Variants in PRKCB observed in about 807,000 individuals in gnomAD.
The protein encoded by PRKCB is protein kinase C beta, also known as protein kinase C beta type.
PRKCB carries 13 observed loss-of-function variants against 81.5 expected under a neutral mutation model. That is an observed-to-expected ratio of 0.16 (90% CI 0.10 to 0.25). The LOEUF is 0.25. Ranked by LOEUF, PRKCB falls within the 10% of genes least tolerant of loss-of-function variation. PRKCB has a pLI of 1.00. For missense variants in PRKCB, 509 were observed against 875.7 expected (o/e 0.58, Z 5.29); for synonymous variants, 335 against 321.4 (o/e 1.04, Z -0.45).
intron 3 of PRKCB, among the ~76,000 whole-genome samples, chr16:24,004,329 T>C (rs1392649620): frequency 1.3e-5 from 2 of 151,862 alleles, no homozygotes; most frequent in Non-Finnish European, 2.9e-5. Flanking sequence ...TGAAAATACA[T>C]ATATAAAAAT....
chr16:23,870,679 T>C (rs1962888328), intron 2 of PRKCB, among the ~76,000 whole-genome samples: 1 of 152,236 alleles, frequency 6.6e-6, no homozygotes, highest in Admixed American at 6.5e-5. Flanking sequence ...GCACGTAGGT[T>C]GATCAGGACC....
At position 24,220,047 on chromosome 16, in the gene PRKCB, G is replaced by A. The variant is rs866828752; in HGVS notation, c.*5231G>A. 1 of 1,614,162 alleles carries A rather than the reference G, an allele frequency of 6.2e-7. No homozygotes were observed. The highest frequency in any genetic ancestry group is 8.5e-7 in the Non-Finnish European group (1 of 1,180,024). Reference sequence around the variant, plus strand: ...CCCCCACTGATAAACTCTTCATCATGAACTTGGACCAAAATGAATTTGCTG... The same window carrying A: ...CCCCCACTGATAAACTCTTCATCATAAACTTGGACCAAAATGAATTTGCTG... On this transcript the variant is annotated 3_prime_UTR_variant, in exon 17 of 17. Coordinates refer to ENST00000643927, the MANE Select transcript of PRKCB (RefSeq NM_002738.7).
At chr16:23,877,457 T>A (rs1963033551) in intron 2 of PRKCB, among the ~76,000 whole-genome samples, 1 of 152,212 alleles carries the variant, frequency 6.6e-6, no homozygotes, top group Admixed American at 6.5e-5. Context: ...CTCTGACTTG[T>A]TGACCCCTCT....
chr16:23,851,731 CATTT>C (rs1421472780), intron 2 of PRKCB, among the ~76,000 whole-genome samples: 1 of 152,132 alleles, frequency 6.6e-6, no homozygotes, highest in African/African-American at 2.4e-5. Context: ...AATATCTTTT[CATTT>C]ATTTGTGTTT....
chr16:24,188,440 A>G (rs188359540), intron 15 of PRKCB, among the ~76,000 whole-genome samples: 51 of 152,284 alleles, frequency 3.3e-4, no homozygotes, highest in African/African-American at 1.2e-3. Context: ...AGAGACTCCG[A>G]ATTAATGCTG....
chr16:24,213,430 A>C (rs566719870), intron 16 of PRKCB, among the ~76,000 whole-genome samples: 2 of 152,338 alleles, frequency 1.3e-5, no homozygotes, highest in Middle Eastern at 3.4e-3. Context: ...TTATGAACAA[A>C]TTACATAGTC....
At chr16:24,190,782 G>T (rs1967780274) in intron 15 of PRKCB, among the ~76,000 whole-genome samples, 1 of 152,060 alleles carries the variant, frequency 6.6e-6, no homozygotes, top group Non-Finnish European at 1.5e-5. Context: ...CTCCCAAAGT[G>T]CTGGGATTAC....
intron 12 of PRKCB, among the ~76,000 whole-genome samples, chr16:24,179,441 C>A (rs1422545868): frequency 1.3e-5 from 2 of 152,208 alleles, no homozygotes; most frequent in African/African-American, 2.4e-5. Context: ...GAATAGATCC[C>A]CCTACCTCTC....
At chr16:24,171,755 A>G (rs528359707) in intron 10 of PRKCB, among the ~76,000 whole-genome samples, 1 of 152,290 alleles carries the variant, frequency 6.6e-6, no homozygotes, top group East Asian at 1.9e-4. Context: ...TATTTTTGAA[A>G]TGGAGTCTCA....
chr16:23,999,315 T>A (rs979531873), intron 3 of PRKCB, among the ~76,000 whole-genome samples: 2 of 152,222 alleles, frequency 1.3e-5, no homozygotes, highest in Non-Finnish European at 2.9e-5. Context: ...ATGTGCTTGG[T>A]TGCATCCTCT....
rs1962231692 is a variant in PRKCB, at chr16:23,839,581, TA to T, written c.205+2176del. On this transcript the variant is annotated intron_variant, in intron 2 of 16. Coordinates refer to ENST00000643927, the MANE Select transcript of PRKCB (RefSeq NM_002738.7). Reference sequence around the variant, plus strand: ...AGCCACTATGCCCCTCTGGAGTGTCTATTTTTTAAATTGCCTTTCTTTTTCT... The same window carrying T: ...AGCCACTATGCCCCTCTGGAGTGTCTTTTTTTAAATTGCCTTTCTTTTTCT... Among the ~76,000 whole-genome samples the T allele has an allele frequency of 2.0e-5, 3 of 151,562 alleles. No homozygotes were observed. In the South Asian group the frequency reaches 6.3e-4, roughly 32 times the overall value.
chr16:24,050,495 CACAA>C (rs1965827631), intron 5 of PRKCB, among the ~76,000 whole-genome samples: 2 of 150,692 alleles, frequency 1.3e-5, no homozygotes, highest in South Asian at 2.1e-4. Flanking sequence ...ACACACACTG[CACAA>C]ACAAGCACAA....
At position 24,217,626 on chromosome 16, in the gene PRKCB, T is replaced by C. The variant is rs1477754385; in HGVS notation, c.*2810T>C. 1.0e-6 allele frequency: 1 copy of C among 985,444 alleles called. No individual in the cohort carries two copies. The highest frequency in any genetic ancestry group is 1.2e-6 in the Non-Finnish European group (1 of 829,956). 61.0% of individuals were successfully genotyped at this position (985,444 alleles called of 1,614,324 possible). On this transcript the variant is annotated 3_prime_UTR_variant, in exon 17 of 17. Transcript: ENST00000643927. The stretch of plus-strand genomic sequence containing the variant: ...ATAAAAGCAAGTCCTGTCTGGACCA[T>C]GTGGTTATCTGAAGCATTAGCCATC...
chr16:23,909,865 G>A (rs1485970096), intron 2 of PRKCB, among the ~76,000 whole-genome samples: 1 of 151,962 alleles, frequency 6.6e-6, no homozygotes, highest in African/African-American at 2.4e-5. Flanking sequence ...CTTCTTATAA[G>A]GGCCTTGATC....
At chr16:24,172,430 GT>G (rs912352692) in intron 11 of PRKCB, 69 bp downstream of exon 11, 284 of 1,385,224 alleles carry the variant, frequency 2.1e-4, no homozygotes, top group Middle Eastern at 1.4e-3. Flanking sequence ...CTTTGAGGGT[GT>G]TTTTTTGCCA....
At chr16:24,207,283 T>C (rs918004448) in intron 16 of PRKCB, among the ~76,000 whole-genome samples, 1 of 152,254 alleles carries the variant, frequency 6.6e-6, no homozygotes, top group Non-Finnish European at 1.5e-5. Context: ...TTTTTCAATT[T>C]CTTCCATGAT....
chr16:24,192,062 C>T (rs1596591439), intron 16 of PRKCB, among the ~76,000 whole-genome samples: 3 of 152,184 alleles, frequency 2.0e-5, no homozygotes, highest in Admixed American at 2.0e-4. Context: ...GAAGAGTGAA[C>T]ATAAACACCA....
intron 5 of PRKCB, among the ~76,000 whole-genome samples, chr16:24,064,614 T>A (rs1408351078): frequency 6.6e-6 from 1 of 152,174 alleles, no homozygotes; most frequent in Non-Finnish European, 1.5e-5. Context: ...TGTTCATATT[T>A]TCTATATCTT....
chr16:24,014,943 C>T (rs1399578643), intron 3 of PRKCB, among the ~76,000 whole-genome samples: 2 of 152,104 alleles, frequency 1.3e-5, no homozygotes, highest in Non-Finnish European at 2.9e-5. Context: ...ACTACAGGCA[C>T]CCGCCACCAT....
Sources: allele counts gnomAD v4.1 joint callset (sites outside exome capture counted in the v4.1 genomes callset), GRCh38; gene constraint gnomAD v4.1.1; transcripts MANE v1.5; gene names NCBI Gene and HGNC (gene_info 2026-07-23, HGNC 2026-07-21).